Variants in SLC1A6 observed in about 807,000 individuals in gnomAD.
SLC1A6 encodes the protein solute carrier family 1 member 6.
SLC1A6 carries 15 observed loss-of-function variants against 42.1 expected under a neutral mutation model. That is an observed-to-expected ratio of 0.36 (90% confidence interval 0.24 to 0.55). The LOEUF (loss-of-function observed/expected upper bound fraction) is 0.55. Ranked by LOEUF, SLC1A6 falls within the 20% of genes least tolerant of loss-of-function variation. SLC1A6 has a pLI of 0.88. For synonymous variants in SLC1A6, 317 were observed against 319.7 expected (o/e 0.99, Z 0.09); for missense variants, 542 against 772.5 (o/e 0.70, Z 3.54).
chr19:14,954,289 C>G lies in SLC1A6; in HGVS notation c.1210G>C (p.Gly404Arg). The change falls in exon 8 of 10, where the codon GGC becomes CGC. Residue 404 changes from glycine (G) to arginine (R), a missense_variant. By Grantham distance (125) the Gly-to-Arg change is moderately radical (BLOSUM62 -2). This residue lies in a region of SLC1A6 where 298 missense variants were observed against 419.4 expected (regional missense o/e 0.71). Coordinates refer to ENST00000594383, the MANE Select transcript of SLC1A6 (RefSeq NM_005071.3). ...GTGATGCGGCGGTCCACACCCAGGC[C>G]CTCCTCCAGGCAGCGGAAGGTGATG... ...LPITFRCLEE[G>R]LGVDRRITRF... 1 of 1,612,474 alleles carries G rather than the reference C, an allele frequency of 6.2e-7. No homozygotes were observed. Among genetic ancestry groups the G allele is most frequent in the Non-Finnish European group, 8.5e-7 (1 of 1,180,012 alleles).
intron 1 of SLC1A6, chr19:14,974,312 G>A (rs3827006): frequency 0.72 from 109,246 of 151,644 alleles, 39,622 homozygotes; most frequent in African/African-American, 0.81. Flanking sequence ...AACCGAGATC[G>A]CACCACAGCA....
At chr19:14,972,631 T>G in intron 2 of SLC1A6, 75 bp downstream of exon 2, 1 of 1,239,666 alleles carries the variant, frequency 8.1e-7, no homozygotes, top group Non-Finnish European at 1.2e-6. Context: ...AGCAAAGAGA[T>G]GTGTAGAGGC....
At chr19:14,972,521 T>G (rs1356627990) in intron 2 of SLC1A6, among the ~76,000 whole-genome samples, 185 bp downstream of exon 2, 2 of 152,208 alleles carry the variant, frequency 1.3e-5, no homozygotes, top group Non-Finnish European at 2.9e-5. Flanking sequence ...CAGTTGTGTT[T>G]GCACACATGT....
Position 14,950,045 on chromosome 19 carries a change from C to G in SLC1A6, c.*150G>C. 1.9e-6 allele frequency: 1 copy of G among 525,666 alleles called. No individual in the cohort carries two copies. The highest frequency in any genetic ancestry group is 3.3e-6 in the Non-Finnish European group (1 of 305,680). 32.6% of individuals were successfully genotyped at this position (525,666 alleles called of 1,614,324 possible). A position where few individuals can be genotyped will look rare whatever the true frequency, so the allele number is the denominator to read the frequency against. ...CAGAGACCTTATATACCTTTCATTC[C>G]TGCTCCTTTATTTCACTTTTCCCTC... On this transcript the variant is annotated 3_prime_UTR_variant, in exon 10 of 10. Transcript: ENST00000594383.
Position 14,968,377 on chromosome 19 carries a change from G to T in SLC1A6, c.474C>A (p.Gly158=). ...CCTCCCGGTGCAGCCCCTCCTTGGA[G>T]CCCTTCCCGGGATGGATGATGGTGA... ...LMVTIIHPGK[G]SKEGLHREGR... The change falls in exon 4 of 10, where the codon GGC becomes GGA. Residue 158 remains glycine (G), a synonymous_variant. Coordinates refer to ENST00000594383, the MANE Select transcript of SLC1A6 (RefSeq NM_005071.3). The T allele has an allele frequency of 6.2e-7, 1 of 1,613,856 alleles. No individual in the cohort carries two copies. The highest frequency in any genetic ancestry group is 8.5e-7 in the Non-Finnish European group (1 of 1,179,906).
intron 1 of SLC1A6, among the ~76,000 whole-genome samples, chr19:14,989,712 T>A (rs1448360741): frequency 6.6e-6 from 1 of 150,394 alleles, no homozygotes; most frequent in Non-Finnish European, 1.5e-5. Context: ...CAGTGGCTCA[T>A]GCCTGTAATT....
At chr19:14,968,056 G>T (rs2045593751) in intron 4 of SLC1A6, among the ~76,000 whole-genome samples, 1 of 152,174 alleles carries the variant, frequency 6.6e-6, no homozygotes, top group African/African-American at 2.4e-5. Flanking sequence ...CAATATGCAT[G>T]CATCAGGGCC....
chr19:15,005,603 G>A (rs2045892681), intron 1 of SLC1A6, among the ~76,000 whole-genome samples: 1 of 152,174 alleles, frequency 6.6e-6, no homozygotes, highest in South Asian at 2.1e-4. Context: ...ATCAAAGCCA[G>A]GAGCTAGCAG....
intron 1 of SLC1A6, chr19:14,977,860 ACT>A (rs1368016855): frequency 2.6e-5 from 4 of 152,070 alleles, no homozygotes; most frequent in Non-Finnish European, 5.9e-5. Flanking sequence ...CAGAAACCTA[ACT>A]CACACAAAAT....
chr19:14,972,904 T>C lies in SLC1A6; in HGVS notation c.7A>G (p.Ser3Gly). The C allele has an allele frequency of 6.3e-7, 1 of 1,582,314 alleles. No homozygotes were observed. The highest frequency in any genetic ancestry group is 1.3e-5 in the African/African-American group (1 of 74,584). MS[S>G]HGNSLFLRES... is the part of the protein sequence containing the mutation. ...CGCAGGAACAGGCTGTTGCCATGGC[T>C]GCTCATGGTCTATCTGCGGGAAACA... Residue 3 changes from serine to glycine, a missense_variant, in exon 2 of 10, where the codon AGC (serine) becomes GGC (glycine). Transcript: ENST00000594383.
At chr19:14,955,184 C>T (rs776970063) in intron 7 of SLC1A6, among the ~76,000 whole-genome samples, 17 of 152,258 alleles carry the variant, frequency 1.1e-4, no homozygotes, top group East Asian at 9.6e-4. Context: ...TCCAGCTCAG[C>T]GGTGACTATG....
intron 6 of SLC1A6, among the ~76,000 whole-genome samples, chr19:14,957,988 G>A (rs2045477221): frequency 1.3e-5 from 2 of 152,286 alleles, no homozygotes; most frequent in South Asian, 4.1e-4. Flanking sequence ...GAAGATGAAA[G>A]AAGCAAGTTC....
At chr19:15,009,419 T>C (rs8112736) in intron 1 of SLC1A6, among the ~76,000 whole-genome samples, 11,111 of 152,064 alleles carry the variant, frequency 0.073, 948 homozygotes, top group African/African-American at 0.21. Context: ...CGTGGAATAC[T>C]TAGCCATAAA....
chr19:14,995,888 A>C (rs1477088659), intron 1 of SLC1A6, among the ~76,000 whole-genome samples: 1 of 152,158 alleles, frequency 6.6e-6, no homozygotes, highest in Non-Finnish European at 1.5e-5. Context: ...TACCCCGGAA[A>C]AGAACATTAG....
intron 8 of SLC1A6, 25 bp from the exon 9 acceptor site, chr19:14,953,087 G>T (rs376061482): frequency 7.6e-6 from 12 of 1,587,764 alleles, no homozygotes; most frequent in Non-Finnish European, 9.5e-6. Flanking sequence ...AGAACATGGG[G>T]AGCAGATGGA....
intron 1 of SLC1A6, 97 bp from the exon 2 acceptor site, chr19:14,973,014 G>A: frequency 1.0e-6 from 1 of 961,372 alleles, no homozygotes; most frequent in Non-Finnish European, 1.5e-6. Context: ...AGCGCTTCCT[G>A]AGGACTCTCA....
chr19:14,975,005 A>C (rs982127528), intron 1 of SLC1A6: 6 of 150,970 alleles, frequency 4.0e-5, no homozygotes, highest in African/African-American at 1.5e-4. Context: ...ACCCACCCTA[A>C]AAAAATTAAA....
At chr19:14,994,307 C>T (rs1568300367) in intron 1 of SLC1A6, among the ~76,000 whole-genome samples, 1 of 152,040 alleles carries the variant, frequency 6.6e-6, no homozygotes. Flanking sequence ...CTGCATCCCC[C>T]CTGCAGATTG....
chr19:14,962,701 G>A (rs1307718970), intron 5 of SLC1A6, among the ~76,000 whole-genome samples: 2 of 152,138 alleles, frequency 1.3e-5, no homozygotes, highest in South Asian at 2.1e-4. Flanking sequence ...TCAGGAGTTT[G>A]AGACCATCCT....
Sources: allele counts gnomAD v4.1 joint callset (sites outside exome capture counted in the v4.1 genomes callset), GRCh38; gene constraint gnomAD v4.1.1; regional missense constraint gnomAD v4.1.1; transcripts MANE v1.5; gene names NCBI Gene and HGNC (gene_info 2026-07-23, HGNC 2026-07-21).